The following ADAMTS18 variants were observed in gnomAD, a reference collection of about 807,000 sequenced individuals.
ADAMTS18 encodes the protein A disintegrin and metalloproteinase with thrombospondin motifs 18.
ADAMTS18 carries 157 observed loss-of-function variants against 165.9 expected under a neutral mutation model. The ratio of observed to expected loss-of-function variants is 0.95; its 90% CI spans 0.83 to 1.08. The LOEUF (loss-of-function observed/expected upper bound fraction) is 1.08, where lower values mean the gene tolerates loss of function less well. Among genes scored for constraint, ADAMTS18 ranks in the 50% least tolerant of loss-of-function variants. ADAMTS18 has a pLI of 0.00. For synonymous variants in ADAMTS18, 782 were observed against 578.2 expected (o/e 1.35, Z -5.06); for missense variants, 2,040 against 1,534.0 (o/e 1.33, Z -5.51).
chr16:77,417,335 G>A (rs753813623), intron 3 of ADAMTS18, among the ~76,000 whole-genome samples: 6 of 152,042 alleles, frequency 3.9e-5, no homozygotes, highest in Non-Finnish European at 5.9e-5. Context: ...AAGGCATAGA[G>A]GGAAAAGAAA....
At chr16:77,387,406 T>C (rs2144782738) in intron 3 of ADAMTS18, among the ~76,000 whole-genome samples, 1 of 152,276 alleles carries the variant, frequency 6.6e-6, no homozygotes, top group South Asian at 2.1e-4. Flanking sequence ...ATAAACCAAA[T>C]ATGTCTAGGC....
At chr16:77,330,179 T>C (rs2056165054) in intron 12 of ADAMTS18, among the ~76,000 whole-genome samples, 1 of 152,220 alleles carries the variant, frequency 6.6e-6, no homozygotes, top group South Asian at 2.1e-4. Context: ...TCAATTATTC[T>C]TCTGGGGCCA....
intron 16 of ADAMTS18, among the ~76,000 whole-genome samples, chr16:77,304,849 G>C (rs1265102794): frequency 6.6e-6 from 1 of 152,182 alleles, no homozygotes; most frequent in East Asian, 1.9e-4. Flanking sequence ...GTAGCATATA[G>C]AGCATATTGT....
intron 11 of ADAMTS18, among the ~76,000 whole-genome samples, chr16:77,337,136 T>C (rs976683759): frequency 3.3e-5 from 5 of 152,214 alleles, no homozygotes; most frequent in African/African-American, 1.2e-4. Flanking sequence ...AATTTTTCTT[T>C]TCCCTGGATT....
chr16:77,407,187 T>C (rs11149986), intron 3 of ADAMTS18, among the ~76,000 whole-genome samples: 6,300 of 152,192 alleles, frequency 0.041, 284 homozygotes, highest in African/African-American at 0.11. Context: ...ATCAACTTTA[T>C]TTATACCTAT....
At chr16:77,336,242 CACTGAGAGACAACACT>C (rs1484219648) in intron 11 of ADAMTS18, among the ~76,000 whole-genome samples, 1 of 152,074 alleles carries the variant, frequency 6.6e-6, no homozygotes, top group African/African-American at 2.4e-5. Context: ...CCTGCCTTGC[CACTGAGAGACAACACT>C]ACTTAAAGAA....
At chr16:77,392,940 G>A (rs2057208650) in intron 3 of ADAMTS18, among the ~76,000 whole-genome samples, 1 of 152,088 alleles carries the variant, frequency 6.6e-6, no homozygotes, top group African/African-American at 2.4e-5. Flanking sequence ...CTTTTAGACA[G>A]TATGGAGAGC....
chr16:77,366,836 A>C (rs1285308266), intron 4 of ADAMTS18, among the ~76,000 whole-genome samples: 2 of 152,248 alleles, frequency 1.3e-5, no homozygotes, highest in African/African-American at 4.8e-5. Context: ...ATGTTGAGAT[A>C]ATATTTTGTA....
At chr16:77,310,481 C>T (rs1228099194) in intron 16 of ADAMTS18, among the ~76,000 whole-genome samples, 2 of 152,172 alleles carry the variant, frequency 1.3e-5, no homozygotes, top group Admixed American at 6.5e-5. Context: ...TGTAGCAGAG[C>T]AACCTATATC....
intron 3 of ADAMTS18, among the ~76,000 whole-genome samples, chr16:77,421,438 C>T (rs902942377): frequency 6.6e-6 from 1 of 152,206 alleles, no homozygotes; most frequent in Non-Finnish European, 1.5e-5. Context: ...AGCCTTAGTG[C>T]TATCATTAGG....
intron 16 of ADAMTS18, among the ~76,000 whole-genome samples, chr16:77,318,721 TC>T (rs2055932090): frequency 6.6e-6 from 1 of 152,202 alleles, no homozygotes; most frequent in Non-Finnish European, 1.5e-5. Context: ...TCTGTTTTTT[TC>T]CCTAGCTGTA....
At chr16:77,432,770 T>TTA (rs529641316) in intron 2 of ADAMTS18, among the ~76,000 whole-genome samples, 1 of 144,394 alleles carries the variant, frequency 6.9e-6, no homozygotes, top group Non-Finnish European at 1.5e-5. Context: ...CCTCCTCCAA[T>TTA]AAAAAAAAAA....
intron 16 of ADAMTS18, among the ~76,000 whole-genome samples, chr16:77,301,284 A>G (rs2144594027): frequency 6.6e-6 from 1 of 152,172 alleles, no homozygotes; most frequent in South Asian, 2.1e-4. Flanking sequence ...CATTGAAAAA[A>G]AAAAAAACTG....
At chr16:77,300,658 C>T (rs1419977143) in intron 16 of ADAMTS18, among the ~76,000 whole-genome samples, 1 of 151,906 alleles carries the variant, frequency 6.6e-6, no homozygotes, top group Non-Finnish European at 1.5e-5. Flanking sequence ...TTGCCATAAG[C>T]CCATAACGTA....
intron 2 of ADAMTS18, 186 bp from the exon 3 acceptor site, chr16:77,431,797 CCA>C (rs1371606753): frequency 1.5e-5 from 10 of 655,284 alleles, no homozygotes; most frequent in Non-Finnish European, 2.4e-5. Flanking sequence ...ACTAACTCGG[CCA>C]CAGTCATTTC....
In ADAMTS18 at chr16:77,283,620, G is replaced by C. The variant is rs578238702; in HGVS notation, c.*336C>G. On this transcript the variant is annotated 3_prime_UTR_variant, in exon 23 of 23. Transcript: ENST00000282849. ...TTTTAAAACAGATGTCTTTGCCCTT[G>C]AACCCTTTGAAGTTCAAAAGGGGGT... 3.2e-6 allele frequency: 1 copy of C among 309,208 alleles called. No individual in the cohort carries two copies. The highest frequency in any genetic ancestry group is 3.1e-5 in the South Asian group (1 of 31,754). 19.2% of individuals were successfully genotyped at this position (309,208 alleles called of 1,614,324 possible). A position where few individuals can be genotyped will look rare whatever the true frequency, so the allele number is the denominator to read the frequency against.
chr16:77,385,355 T>G (rs2057092138), intron 3 of ADAMTS18, among the ~76,000 whole-genome samples: 1 of 152,258 alleles, frequency 6.6e-6, no homozygotes, highest in Non-Finnish European at 1.5e-5. Flanking sequence ...GCATGTTTGC[T>G]GAAAATAGTG....
In ADAMTS18 at chr16:77,346,426, A is replaced by G. The variant is rs183330455; in HGVS notation, c.1615-4627T>C. On this transcript the variant is annotated intron_variant, in intron 10 of 22. Transcript: ENST00000282849. ...GACTTTGTATTTTAAAATAGTCTTC[A>G]TTTGTAATAAAGACTCTGGAATTTT... Among the ~76,000 whole-genome samples, 180 of 152,290 alleles carry G rather than the reference A, an allele frequency of 1.2e-3. 2 individuals carry two copies. The highest frequency in any genetic ancestry group is 4.1e-3 in the African/African-American group (171 of 41,564).
chr16:77,311,372 T>A (rs2055776971), intron 16 of ADAMTS18, among the ~76,000 whole-genome samples: 1 of 152,210 alleles, frequency 6.6e-6, no homozygotes, highest in South Asian at 2.1e-4. Flanking sequence ...TATGTTTGGC[T>A]CCAAAAGTAT....
Sources: allele counts gnomAD v4.1 joint callset (sites outside exome capture counted in the v4.1 genomes callset), GRCh38; gene constraint gnomAD v4.1.1; transcripts MANE v1.5; gene names NCBI Gene and HGNC (gene_info 2026-07-23, HGNC 2026-07-21).